GLCCI1: variants seen among roughly 807,000 people sequenced by gnomAD.
The protein encoded by GLCCI1 is glucocorticoid-induced transcript 1 protein.
GLCCI1 carries 24 observed loss-of-function variants against 52.2 expected under a neutral mutation model. The ratio of observed to expected loss-of-function variants is 0.46; its 90% CI spans 0.33 to 0.65. The LOEUF (loss-of-function observed/expected upper bound fraction) is 0.65. Ranked by LOEUF, GLCCI1 falls within the 30% of genes least tolerant of loss-of-function variation. The pLI is 0.02. For synonymous variants in GLCCI1, 310 were observed against 276.5 expected (o/e 1.12, Z -1.20); for missense variants, 704 against 701.5 (o/e 1.00, Z -0.04).
intron 6 of GLCCI1, among the ~76,000 whole-genome samples, chr7:8,075,584 TG>T (rs1023089997): frequency 2.0e-5 from 3 of 152,226 alleles, no homozygotes; most frequent in Non-Finnish European, 4.4e-5. Flanking sequence ...CAGCGTTGCT[TG>T]ATGGTAGCCA....
chr7:8,026,594 G>A lies in GLCCI1; in HGVS notation c.696+4025G>A, dbSNP rs975289885. On this transcript the variant is annotated intron_variant, in intron 3 of 7. Transcript: ENST00000223145. ...CATTCCCTGGCAGCAGTTGTGCGGA[G>A]CACAGAATCTGTGCACTTTGGGGAA... Among the ~76,000 whole-genome samples, 4 of 152,362 alleles carry A rather than the reference G, an allele frequency of 2.6e-5. No individual in the cohort carries two copies. In the South Asian group the frequency reaches 8.3e-4, roughly 32 times the overall value.
At position 7,969,197 on chromosome 7, in the gene GLCCI1, A is replaced by C; in HGVS notation, c.-154A>C. Reference sequence around the variant, plus strand: ...GAGGCGGCGGGGGTGTGCGTTGGGGAGGGGGAGCCCCGAGACTCCTCCCCC... The same window carrying C: ...GAGGCGGCGGGGGTGTGCGTTGGGGCGGGGGAGCCCCGAGACTCCTCCCCC... On this transcript the variant is annotated 5_prime_UTR_variant, in exon 1 of 8. Coordinates refer to ENST00000223145, the MANE Select transcript of GLCCI1 (RefSeq NM_138426.4). This position sits in a 1 kb window ranked among gnomAD's most constrained non-coding sequence, Gnocchi z 4.9. 6.1e-6 allele frequency: 4 copies of C among 653,940 alleles called. No individual in the cohort carries two copies. Among genetic ancestry groups the C allele is most frequent in the Non-Finnish European group, 8.0e-6 (4 of 500,858 alleles). The allele number at this position is 653,940 out of a possible 1,614,324, so 40.5% of individuals were successfully genotyped here. A position where few individuals can be genotyped will look rare whatever the true frequency, so the allele number is the denominator to read the frequency against.
intron 2 of GLCCI1, among the ~76,000 whole-genome samples, chr7:8,019,918 T>C (rs1487485593): frequency 6.6e-6 from 1 of 152,196 alleles, no homozygotes; most frequent in Non-Finnish European, 1.5e-5. Flanking sequence ...TGTGAAGGCT[T>C]AGGGTATTAC....
intron 3 of GLCCI1, among the ~76,000 whole-genome samples, chr7:8,053,665 T>C (rs1782319369): frequency 6.6e-6 from 1 of 152,050 alleles, no homozygotes; most frequent in Non-Finnish European, 1.5e-5. Flanking sequence ...TTGGAGCTAG[T>C]GTAGTTGGGA....
At position 8,087,151 on chromosome 7, in the gene GLCCI1, T is replaced by G. The variant is rs746529241; in HGVS notation, c.*613T>G. The stretch of plus-strand genomic sequence containing the variant: ...AAAGAGGGAACATCACTCTTTTGCC[T>G]TTCCTTATTTTATGCATTTCCCTTT... On this transcript the variant is annotated 3_prime_UTR_variant, in exon 8 of 8. Coordinates refer to ENST00000223145, the MANE Select transcript of GLCCI1 (RefSeq NM_138426.4). 1 of 152,672 alleles carries G rather than the reference T, an allele frequency of 6.5e-6. No homozygotes were observed. The highest frequency in any genetic ancestry group is 1.5e-5 in the Non-Finnish European group (1 of 68,046). 9.5% of individuals were successfully genotyped at this position (152,672 alleles called of 1,614,324 possible). A position where few individuals can be genotyped will look rare whatever the true frequency, so the allele number is the denominator to read the frequency against.
chr7:7,981,823 C>A, intron 1 of GLCCI1: 6 of 418,704 alleles, frequency 1.4e-5, no homozygotes, highest in East Asian at 6.4e-5. Flanking sequence ...TAAAGTAAGC[C>A]CAAATAGGAG....
chr7:7,971,119 G>C (rs1402152996), intron 1 of GLCCI1, among the ~76,000 whole-genome samples: 2 of 152,160 alleles, frequency 1.3e-5, no homozygotes, highest in African/African-American at 2.4e-5. Flanking sequence ...AGTGCAGTGG[G>C]ATGAGTACAT....
At chr7:8,021,573 C>A (rs570237780) in intron 2 of GLCCI1, among the ~76,000 whole-genome samples, 4 of 152,256 alleles carry the variant, frequency 2.6e-5, no homozygotes, top group African/African-American at 7.2e-5. Context: ...CCACCAGGCC[C>A]AGCTAATTTT....
chr7:8,058,468 A>G (rs1441327841), intron 4 of GLCCI1, among the ~76,000 whole-genome samples: 1 of 152,194 alleles, frequency 6.6e-6, no homozygotes, highest in Non-Finnish European at 1.5e-5. Context: ...GACTTTTCCT[A>G]CAAGATATGA....
chr7:8,004,191 A>G (rs1781102350), intron 2 of GLCCI1, 132 bp downstream of exon 2: 2 of 822,354 alleles, frequency 2.4e-6, no homozygotes, highest in Non-Finnish European at 3.6e-6. Flanking sequence ...GGAAAAATCC[A>G]TTGTTTTAAA....
At chr7:8,083,373 G>T (rs1339163201) in intron 6 of GLCCI1, among the ~76,000 whole-genome samples, 3 of 150,836 alleles carry the variant, frequency 2.0e-5, no homozygotes, top group Non-Finnish European at 2.9e-5. Flanking sequence ...CAGATGTTTG[G>T]TTTTTTGTTT....
intron 2 of GLCCI1, among the ~76,000 whole-genome samples, chr7:8,012,432 CTTTTTTTTTTTTTTTT>C (rs71014746): frequency 7.1e-5 from 5 of 70,396 alleles, no homozygotes; most frequent in Admixed American, 2.2e-4. Context: ...CCTTTTTATT[CTTTTTTTTTTTTTTTT>C]TTTTTTTTTT....
intron 1 of GLCCI1, among the ~76,000 whole-genome samples, chr7:7,974,189 C>G (rs1780418196): frequency 6.6e-6 from 1 of 152,044 alleles, no homozygotes. Flanking sequence ...TTTTTTCCAT[C>G]AGTTATCTCA....
At chr7:8,026,193 G>C (rs1781616349) in intron 3 of GLCCI1, among the ~76,000 whole-genome samples, 1 of 152,118 alleles carries the variant, frequency 6.6e-6, no homozygotes, top group Non-Finnish European at 1.5e-5. Flanking sequence ...TTGTGATATA[G>C]ATTGTGATAA....
intron 5 of GLCCI1, among the ~76,000 whole-genome samples, chr7:8,068,524 T>A (rs1438302085): frequency 2.0e-5 from 3 of 152,254 alleles, no homozygotes; most frequent in Non-Finnish European, 2.9e-5. Context: ...GGCCATTTCA[T>A]CAATCAGCTC....
At chr7:7,990,665 TG>T (rs765203367) in intron 1 of GLCCI1, among the ~76,000 whole-genome samples, 2 of 152,102 alleles carry the variant, frequency 1.3e-5, no homozygotes, top group Non-Finnish European at 2.9e-5. Flanking sequence ...GTGTGATTTC[TG>T]TAAGACATTT....
At chr7:8,074,894 A>G (rs1782843790) in intron 6 of GLCCI1, among the ~76,000 whole-genome samples, 1 of 152,038 alleles carries the variant, frequency 6.6e-6, no homozygotes, top group Non-Finnish European at 1.5e-5. Context: ...CTGTGGAGAG[A>G]TTTGTTCTGT....
At chr7:8,001,205 C>T (rs1781043294) in intron 1 of GLCCI1, among the ~76,000 whole-genome samples, 1 of 152,154 alleles carries the variant, frequency 6.6e-6, no homozygotes, top group Admixed American at 6.5e-5. Flanking sequence ...TTTAATGCTT[C>T]CTTCAGGAGC....
intron 5 of GLCCI1, among the ~76,000 whole-genome samples, chr7:8,069,055 C>T (rs748149399): frequency 9.9e-5 from 15 of 152,158 alleles, no homozygotes; most frequent in Non-Finnish European, 1.9e-4. Flanking sequence ...AGTGTGGGCT[C>T]CTCTCCTACT....
Sources: gnomAD v4.1 joint callset for allele counts (sites outside exome capture counted in the v4.1 genomes callset) on GRCh38, gnomAD v4.1.1 for gene constraint, Gnocchi (gnomAD v3.1) non-coding constraint, MANE v1.5 for transcripts, NCBI Gene and HGNC (gene_info 2026-07-23, HGNC 2026-07-21) for gene names.